OCA2: variants seen among roughly 807,000 people sequenced by gnomAD.
OCA2 encodes P protein.
A neutral mutation model predicts 100.2 loss-of-function variants in OCA2; 77 were observed. That is an observed-to-expected ratio of 0.77 (90% CI 0.64 to 0.93). The LOEUF is 0.93. Ranked by LOEUF, OCA2 falls within the 40% of genes least tolerant of loss-of-function variation. The pLI, the probability that OCA2 is intolerant of heterozygous loss-of-function variation, is 0.00. For synonymous variants in OCA2, 432 were observed against 439.2 expected (o/e 0.98, Z 0.21); for missense variants, 1,062 against 1,089.1 (o/e 0.98, Z 0.35).
intron 2 of OCA2, among the ~76,000 whole-genome samples, chr15:28,076,260 T>C (rs188997249): frequency 1.1e-4 from 16 of 152,326 alleles, no homozygotes; most frequent in Admixed American, 1.0e-3. Context: ...TTCAGCAATA[T>C]ATTTATTTTC....
At chr15:28,023,867 GCA>G (rs1258742908) in intron 5 of OCA2, among the ~76,000 whole-genome samples, 1 of 151,710 alleles carries the variant, frequency 6.6e-6, no homozygotes, top group Admixed American at 6.6e-5. Context: ...TCACAATGGT[GCA>G]CACACACAGA....
chr15:27,773,986 G>A (rs775822274), intron 23 of OCA2, among the ~76,000 whole-genome samples: 6 of 152,224 alleles, frequency 3.9e-5, no homozygotes, highest in Non-Finnish European at 5.9e-5. Flanking sequence ...CTGGGACACA[G>A]GAAGTATATT....
chr15:28,079,373 C>A (rs2141874293), intron 2 of OCA2, among the ~76,000 whole-genome samples: 1 of 151,874 alleles, frequency 6.6e-6, no homozygotes, highest in African/African-American at 2.4e-5. Flanking sequence ...CTTCAGTAAC[C>A]TTTAGCCTGA....
At position 27,881,204 on chromosome 15, in the gene OCA2, C is replaced by T. The variant is rs192883966; in HGVS notation, c.2080-9282G>A. ...TTGAACCAGCCTTTCACCTGAAGGA[C>T]GAAGCCGACTTGATCGTGGTGGATA... On this transcript the variant is annotated intron_variant, in intron 19 of 23. Transcript: ENST00000354638. 2.0e-3 allele frequency among the ~76,000 whole-genome samples: 297 copies of T among 152,162 alleles called. 2 individuals are homozygous for T. Among genetic ancestry groups the T allele is most frequent in the Non-Finnish European group, 2.9e-3 (194 of 67,986 alleles).
At chr15:28,094,095 T>C (rs1406332702) in intron 1 of OCA2, among the ~76,000 whole-genome samples, 2 of 152,152 alleles carry the variant, frequency 1.3e-5, no homozygotes, top group Non-Finnish European at 2.9e-5. Context: ...ATGCAGATGA[T>C]GGAGCACTCC....
At chr15:27,752,617 T>A (rs1264214578), downstream of OCA2, among the ~76,000 whole-genome samples, 2 of 152,074 alleles carry the variant, frequency 1.3e-5, no homozygotes, top group Non-Finnish European at 2.9e-5. Flanking sequence ...GGCTTCCAGC[T>A]AGCTCAGTCC....
chr15:27,861,934 T>C (rs77015873), intron 21 of OCA2, among the ~76,000 whole-genome samples: 1,921 of 152,216 alleles, frequency 0.013, 39 homozygotes, highest in African/African-American at 0.039. Flanking sequence ...CCGGTCTTCG[T>C]TGGGAGCCAG....
Position 27,989,567 on chromosome 15 carries a change from T to A in OCA2, c.1182+34A>T, listed in dbSNP as rs750355686. 3 of 1,598,098 alleles carry A rather than the reference T, an allele frequency of 1.9e-6. No homozygotes were observed. In the South Asian group the frequency reaches 3.3e-5, roughly 18 times the overall value. On this transcript the variant is annotated intron_variant, in intron 11 of 23. Transcript: ENST00000354638. ...AGAGAAGGCCCGGTTACCGCAGGCGTGGAGCCCAGTCCCACGGGGAGAGCT... is the reference window on the plus strand; with the variant it reads ...AGAGAAGGCCCGGTTACCGCAGGCGAGGAGCCCAGTCCCACGGGGAGAGCT...
downstream of OCA2, among the ~76,000 whole-genome samples, chr15:27,754,031 G>A (rs992570307): frequency 3.3e-5 from 5 of 152,194 alleles, no homozygotes; most frequent in Middle Eastern, 3.4e-3. Context: ...AGCAAAGTAC[G>A]GGCAGCACGG....
chr15:27,791,092 A>AT (rs952478555), intron 23 of OCA2, among the ~76,000 whole-genome samples: 42 of 149,500 alleles, frequency 2.8e-4, no homozygotes, highest in South Asian at 8.5e-4. Flanking sequence ...CCTGGCCCTG[A>AT]TTTTTTTTTT....
At chr15:27,722,814 T>TTCTCTCTC in the OCA2 span, among the ~76,000 whole-genome samples, 5 of 134,736 alleles carry the variant, frequency 3.7e-5, no homozygotes, top group African/African-American at 1.2e-4. Context: ...CTCTCTCTCT[T>TTCTCTCTC]TCTCTCTCTC....
At chr15:27,864,989 G>T (rs574026522) in intron 21 of OCA2, among the ~76,000 whole-genome samples, 82 of 151,606 alleles carry the variant, frequency 5.4e-4, no homozygotes, top group Non-Finnish European at 1.0e-3. Flanking sequence ...TCCCTGTATG[G>T]AAATATTGGT....
At chr15:28,056,481 G>A (rs2043701102) in intron 2 of OCA2, among the ~76,000 whole-genome samples, 1 of 152,216 alleles carries the variant, frequency 6.6e-6, no homozygotes, top group Non-Finnish European at 1.5e-5. Context: ...CAAGATGTAG[G>A]ACCCTGCACT....
At chr15:27,825,551 G>A (rs970163268) in intron 23 of OCA2, among the ~76,000 whole-genome samples, 1 of 152,148 alleles carries the variant, frequency 6.6e-6, no homozygotes, top group Non-Finnish European at 1.5e-5. Flanking sequence ...TAGGAAAGGA[G>A]GTGGAGTGAT....
intron 5 of OCA2, 64 bp from the exon 6 acceptor site, chr15:28,022,637 T>C: frequency 2.4e-6 from 3 of 1,271,476 alleles, no homozygotes; most frequent in Non-Finnish European, 3.4e-6. Flanking sequence ...TATAAATCAT[T>C]TTGATAACAG....
At chr15:27,748,678 G>T in the OCA2 span, among the ~76,000 whole-genome samples, 1 of 152,112 alleles carries the variant, frequency 6.6e-6, no homozygotes, top group South Asian at 2.1e-4. Flanking sequence ...GATAAGAAAA[G>T]ACAATCAACT....
intron 19 of OCA2, among the ~76,000 whole-genome samples, chr15:27,910,646 G>A (rs1414876876): frequency 2.1e-5 from 3 of 144,342 alleles, no homozygotes; most frequent in Non-Finnish European, 3.0e-5. Flanking sequence ...AGTTGTATGT[G>A]CTTATTTATG....
intron 2 of OCA2, among the ~76,000 whole-genome samples, chr15:28,076,675 G>C (rs889151348): frequency 1.3e-5 from 2 of 150,622 alleles, no homozygotes; most frequent in Non-Finnish European, 3.0e-5. Flanking sequence ...GTGAAACCCC[G>C]TCTCTACTAA....
In OCA2 at chr15:27,955,737, G is replaced by C. The variant is rs2040202028; in HGVS notation, c.1785-522C>G. ...GGACTTTGGGGGGCCGAGGGGGAAG[G>C]ATCACTTGAGGCCAGCAGTTGGGGA... is the stretch of plus-strand genomic sequence containing the variant. On this transcript the variant is annotated intron_variant, in intron 16 of 23. Transcript: ENST00000354638. Among the ~76,000 whole-genome samples, 3 of 152,132 alleles carry C rather than the reference G, an allele frequency of 2.0e-5. No individual in the cohort carries two copies. In the South Asian group the frequency reaches 6.2e-4, roughly 32 times the overall value.
Sources: gnomAD v4.1 joint callset for allele counts (sites outside exome capture counted in the v4.1 genomes callset) on GRCh38, gnomAD v4.1.1 for gene constraint, MANE v1.5 for transcripts, NCBI Gene and HGNC (gene_info 2026-07-23, HGNC 2026-07-21) for gene names.